Variants in XPO4 observed in about 807,000 individuals in gnomAD.
The protein encoded by XPO4 is exportin-4.
XPO4 carries 39 observed loss-of-function variants against 143.0 expected under a neutral mutation model. The observed-to-expected ratio is 0.27, with a 90% CI of 0.21 to 0.36. The LOEUF is 0.36. Among genes scored for constraint, XPO4 ranks in the 10% least tolerant of loss-of-function variants. The pLI is 1.00. For synonymous variants in XPO4, 439 were observed against 474.0 expected (o/e 0.93, Z 0.96); for missense variants, 907 against 1,348.0 (o/e 0.67, Z 5.12).
intron 2 of XPO4, chr13:20,866,230 G>T (rs147636734): frequency 1.0e-6 from 1 of 984,844 alleles, no homozygotes; most frequent in African/African-American, 1.7e-5. Context: ...CCACATGCAT[G>T]CACAGATACA....
rs2060082170 is a variant in XPO4 at position 20,851,224 on chromosome 13, T to C, written c.456+4403A>G. ...TTTTTAGGCCTTCCTATTGAGCTAG[T>C]TTCAAGCTACTGGGCAAGGACAAAT... On this transcript the variant is annotated intron_variant, in intron 4 of 22. Coordinates refer to ENST00000255305, the MANE Select transcript of XPO4 (RefSeq NM_022459.5). The C allele has an allele frequency of 4.1e-6, 4 of 985,376 alleles. No individual in the cohort carries two copies. The South Asian group carries it at 1.9e-4, about 46-fold the overall frequency. 61.0% of individuals were successfully genotyped at this position (985,376 alleles called of 1,614,324 possible).
intron 18 of XPO4, 69 bp from the exon 19 acceptor site, chr13:20,790,649 C>G: frequency 7.9e-7 from 1 of 1,266,790 alleles, no homozygotes; most frequent in Non-Finnish European, 1.1e-6. Context: ...GTATTCTACC[C>G]TTATGAAAAT....
In XPO4 at chr13:20,855,065, A is replaced by ATATTAAAT. The variant is rs1285075672; in HGVS notation, c.456+561_456+562insATTTAATA. 2.0e-5 allele frequency among the ~76,000 whole-genome samples: 3 copies of ATATTAAAT among 152,238 alleles called. No individual in the cohort carries two copies. In the East Asian group the frequency reaches 5.8e-4, roughly 29 times the overall value. ...TATTAACTTATAATATTTTATAACA[A>ATATTAAAT]TTAAAATAATGATTATGAATATTTA... On this transcript the variant is annotated intron_variant, in intron 4 of 22. Transcript: ENST00000255305.
intron 9 of XPO4, among the ~76,000 whole-genome samples, chr13:20,818,430 C>T (rs1214136980): frequency 2.0e-5 from 3 of 152,124 alleles, no homozygotes; most frequent in Non-Finnish European, 4.4e-5. Context: ...GCTCTTCTTC[C>T]CTTGCTACAC....
chr13:20,790,453 A>G lies in XPO4; in HGVS notation c.2916+9T>C, dbSNP rs2059266277. 1.9e-6 allele frequency: 3 copies of G among 1,601,072 alleles called. No homozygotes were observed. Among genetic ancestry groups the G allele is most frequent in the Non-Finnish European group, 2.6e-6 (3 of 1,168,234 alleles). ...TAGTGGTATGTTCACATTCAATTTC[A>G]TTAATTACCTTCAAGAGATCCTGTG... On this transcript the variant is annotated intron_variant, in intron 19 of 22. Coordinates refer to ENST00000255305, the MANE Select transcript of XPO4 (RefSeq NM_022459.5).
chr13:20,827,342 G>A (rs1465390136), intron 6 of XPO4, among the ~76,000 whole-genome samples, 163 bp from the exon 7 acceptor site: 4 of 152,136 alleles, frequency 2.6e-5, no homozygotes, highest in Admixed American at 2.6e-4. Context: ...AGGAATAGAA[G>A]GCATTAAGTG....
Position 20,802,967 on chromosome 13 carries a change from A to G in XPO4, c.1818-1977T>C, listed in dbSNP as rs1595070828. ...CATCTCTTAATGTGATTAACTTAGT[A>G]GGGTTCTTTCCCCACTTAGTACACG... On this transcript the variant is annotated intron_variant, in intron 13 of 22. Coordinates refer to ENST00000255305, the MANE Select transcript of XPO4 (RefSeq NM_022459.5). 2.0e-5 allele frequency among the ~76,000 whole-genome samples: 3 copies of G among 152,244 alleles called. No homozygotes were observed. The East Asian group carries it at 5.8e-4, about 29-fold the overall frequency.
chr13:20,837,434 C>T (rs184557117), intron 6 of XPO4, among the ~76,000 whole-genome samples: 1 of 151,964 alleles, frequency 6.6e-6, no homozygotes, highest in Non-Finnish European at 1.5e-5. Context: ...GAGTCTCACT[C>T]TATCCCTCAG....
chr13:20,865,483 A>G, intron 2 of XPO4: 1 of 985,394 alleles, frequency 1.0e-6, no homozygotes, highest in Non-Finnish European at 1.2e-6. Context: ...GCCACTGACT[A>G]GGACACTGTC....
chr13:20,898,274 AATGT>A (rs1283219333), intron 1 of XPO4, among the ~76,000 whole-genome samples: 2 of 152,188 alleles, frequency 1.3e-5, no homozygotes, highest in African/African-American at 4.8e-5. Context: ...TTTAAAAACA[AATGT>A]ATGGGCCGGG....
At chr13:20,807,709 G>T in intron 12 of XPO4, 75 bp from the exon 13 acceptor site, 1 of 1,178,614 alleles carries the variant, frequency 8.5e-7, no homozygotes, top group Non-Finnish European at 1.1e-6. Context: ...AATGTTTTCA[G>T]TTTGATTTAT....
chr13:20,856,672 A>T (rs184526750), intron 3 of XPO4: 16 of 197,772 alleles, frequency 8.1e-5, no homozygotes, highest in African/African-American at 2.8e-4. Context: ...TTTCACTCTC[A>T]AAAGTGTCCC....
At chr13:20,859,241 G>T (rs890492656) in intron 3 of XPO4, among the ~76,000 whole-genome samples, 1 of 151,814 alleles carries the variant, frequency 6.6e-6, no homozygotes. Flanking sequence ...GGCCGAGATG[G>T]GAAGATCATG....
intron 9 of XPO4, among the ~76,000 whole-genome samples, chr13:20,818,627 T>TA (rs1233992901): frequency 6.6e-6 from 1 of 152,208 alleles, no homozygotes; most frequent in African/African-American, 2.4e-5. Context: ...AAAAATCATT[T>TA]AAAAAATAAT....
At chr13:20,833,353 C>G (rs2585906) in intron 6 of XPO4, among the ~76,000 whole-genome samples, 44,016 of 151,878 alleles carry the variant, frequency 0.29, 8,057 homozygotes, top group East Asian at 0.8. Context: ...GGGACTGGTT[C>G]CAGGACCTCC....
intron 3 of XPO4, among the ~76,000 whole-genome samples, chr13:20,861,899 T>C (rs1595140804): frequency 6.7e-6 from 1 of 150,036 alleles, no homozygotes; most frequent in Non-Finnish European, 1.5e-5. Flanking sequence ...AGCAATTCTC[T>C]TGCCTCAGAC....
At chr13:20,893,493 A>G (rs915721275) in intron 1 of XPO4, among the ~76,000 whole-genome samples, 7 of 152,308 alleles carry the variant, frequency 4.6e-5, no homozygotes, top group African/African-American at 1.7e-4. Flanking sequence ...TAATCCCAGC[A>G]CTTTGGGAGG....
chr13:20,872,517 T>C (rs1346005305), intron 1 of XPO4, among the ~76,000 whole-genome samples: 1 of 152,168 alleles, frequency 6.6e-6, no homozygotes, highest in African/African-American at 2.4e-5. Flanking sequence ...CTAACATTTA[T>C]TGAGCATTTA....
At chr13:20,788,204 T>C (rs4343123) in intron 20 of XPO4, among the ~76,000 whole-genome samples, 48,902 of 151,608 alleles carry the variant, frequency 0.32, 9,857 homozygotes, top group East Asian at 0.8. Context: ...CACAGGCACC[T>C]GCCACCACGC....
Sources: gnomAD v4.1 joint callset for allele counts (sites outside exome capture counted in the v4.1 genomes callset) on GRCh38, gnomAD v4.1.1 for gene constraint, MANE v1.5 for transcripts, NCBI Gene and HGNC (gene_info 2026-07-23, HGNC 2026-07-21) for gene names.